WDR72: variants seen among roughly 807,000 people sequenced by gnomAD.
WDR72 encodes WD repeat domain 72.
A neutral mutation model predicts 124.2 loss-of-function variants in WDR72; 120 were observed. That is an observed-to-expected ratio of 0.97 (90% confidence interval 0.83 to 1.12). The LOEUF is 1.12. Among genes scored for constraint, WDR72 ranks in the 50% most tolerant of loss-of-function variants. The pLI is 0.00. For synonymous variants in WDR72, 452 were observed against 441.7 expected (o/e 1.02, Z -0.29); for missense variants, 1,387 against 1,278.8 (o/e 1.08, Z -1.29).
chr15:53,625,502 T>A (rs2014169129), intron 14 of WDR72, among the ~76,000 whole-genome samples: 2 of 151,790 alleles, frequency 1.3e-5, no homozygotes, highest in South Asian at 4.2e-4. Flanking sequence ...CTTTGGAGAG[T>A]TTGGGAGTAA....
intron 18 of WDR72, among the ~76,000 whole-genome samples, chr15:53,592,073 G>A (rs1263219623): frequency 2.0e-5 from 3 of 151,874 alleles, no homozygotes; most frequent in Non-Finnish European, 4.4e-5. Flanking sequence ...ACTGTGCTTT[G>A]CCCCTAAACC....
intron 18 of WDR72, among the ~76,000 whole-genome samples, chr15:53,543,336 A>T (rs1460914343): frequency 1.3e-5 from 2 of 151,990 alleles, no homozygotes. Flanking sequence ...CAGGATTAAG[A>T]ATCTCACTCA....
chr15:53,623,281 T>A (rs2014075039), intron 14 of WDR72, among the ~76,000 whole-genome samples: 1 of 151,972 alleles, frequency 6.6e-6, no homozygotes, highest in African/African-American at 2.4e-5. Context: ...CCTTTTCCAT[T>A]TAGTAGTCCC....
Position 53,705,006 on chromosome 15 carries a change from C to T in WDR72, c.1330G>A (p.Gly444Ser), listed in dbSNP as rs988473544. The part of the protein sequence containing the change: ...LNAAKARLLE[G>S]GSLVKDSPPH... ...CAAGGACCTTTTACTAAAGAACCAC[C>T]TTCCAGAAGTCTTGCTTTGGCAGCA... The change falls in exon 11 of 20, where the codon GGT (glycine) becomes AGT (serine). Residue 444 changes from glycine to serine, a missense_variant. Physicochemically the swap from Gly to Ser is moderately conservative, Grantham distance 56. Coordinates refer to ENST00000360509, the MANE Select transcript of WDR72 (RefSeq NM_182758.4). 1 of 1,613,682 alleles carries T rather than the reference C, an allele frequency of 6.2e-7. No individual in the cohort carries two copies. The highest frequency in any genetic ancestry group is 1.3e-5 in the African/African-American group (1 of 74,860).
chr15:53,685,472 T>C, intron 13 of WDR72, among the ~76,000 whole-genome samples: 1 of 136,792 alleles, frequency 7.3e-6, no homozygotes, highest in East Asian at 2.5e-4. Flanking sequence ...TGATGGAAGA[T>C]GAAATGAATG....
chr15:53,604,247 A>G (rs2013174557), intron 17 of WDR72, among the ~76,000 whole-genome samples: 1 of 152,204 alleles, frequency 6.6e-6, no homozygotes, highest in Non-Finnish European at 1.5e-5. Flanking sequence ...TCCTTACTTA[A>G]TAAATGTTGC....
chr15:53,715,486 G>T, intron 4 of WDR72, 119 bp from the exon 5 acceptor site: 1 of 1,180,258 alleles, frequency 8.5e-7, no homozygotes, highest in South Asian at 1.4e-5. Context: ...GTATTGAACT[G>T]AATAGCAACT....
At chr15:53,706,346 GTGTGTATATATATA>G (rs1406170648) in intron 9 of WDR72, among the ~76,000 whole-genome samples, 125 of 98,048 alleles carry the variant, frequency 1.3e-3, no homozygotes, top group South Asian at 3.0e-3. Flanking sequence ...GTGTGTGTGT[GTGTGTATATATATA>G]TATATATATA....
At chr15:53,559,261 C>A (rs752325372) in intron 18 of WDR72, among the ~76,000 whole-genome samples, 1 of 151,824 alleles carries the variant, frequency 6.6e-6, no homozygotes, top group Non-Finnish European at 1.5e-5. Flanking sequence ...AAAGAGTCCT[C>A]ATTCGCAATT....
intron 18 of WDR72, among the ~76,000 whole-genome samples, chr15:53,536,428 T>C (rs1461604072): frequency 6.6e-6 from 1 of 152,170 alleles, no homozygotes; most frequent in East Asian, 1.9e-4. Context: ...TTATTTTTTT[T>C]ACTTTCAACA....
chr15:53,761,422 A>C (rs1567069684), upstream of WDR72, among the ~76,000 whole-genome samples: 1 of 152,204 alleles, frequency 6.6e-6, no homozygotes, highest in Non-Finnish European at 1.5e-5. Context: ...TTCCTCAAAA[A>C]AATAAAAATA....
chr15:53,539,761 G>C (rs537043598), intron 18 of WDR72, among the ~76,000 whole-genome samples: 2 of 151,916 alleles, frequency 1.3e-5, no homozygotes, highest in Admixed American at 6.6e-5. Flanking sequence ...AACATATATA[G>C]TTTCATATAT....
chr15:53,669,142 C>T (rs1464947330), intron 13 of WDR72, among the ~76,000 whole-genome samples: 1 of 152,098 alleles, frequency 6.6e-6, no homozygotes, highest in Non-Finnish European at 1.5e-5. Context: ...GTACAGCTGT[C>T]TGTAGTACAT....
At chr15:53,525,714 A>G (rs1892076672) in intron 18 of WDR72, among the ~76,000 whole-genome samples, 1 of 152,066 alleles carries the variant, frequency 6.6e-6, no homozygotes, top group South Asian at 2.1e-4. Context: ...CCATGCTACA[A>G]CTTTGCTTCC....
intron 1 of WDR72, among the ~76,000 whole-genome samples, chr15:53,733,791 T>A (rs980361171): frequency 1.3e-5 from 2 of 152,146 alleles, no homozygotes; most frequent in Admixed American, 6.6e-5. Context: ...TTACAAGGGT[T>A]AAAATGAATA....
rs77440846 is a variant in WDR72 at position 53,539,111 on chromosome 15, A to C, written c.3149-15789T>G. On this transcript the variant is annotated intron_variant, in intron 18 of 19. Transcript: ENST00000360509. ...GTAACATACTTAAAAATTTAAGAGA[A>C]AGAAAAAATTGAACTAAGATTTTCT... is the stretch of plus-strand genomic sequence containing the variant. Among the ~76,000 whole-genome samples, 5 of 152,302 alleles carry C rather than the reference A, an allele frequency of 3.3e-5. No individual in the cohort carries two copies. In the East Asian group the frequency reaches 9.6e-4, roughly 29 times the overall value.
chr15:53,646,726 T>C (rs2015055097), intron 14 of WDR72, among the ~76,000 whole-genome samples: 1 of 151,890 alleles, frequency 6.6e-6, no homozygotes, highest in South Asian at 2.1e-4. Flanking sequence ...TTCTGAGAAA[T>C]AAATGTACAA....
intron 14 of WDR72, among the ~76,000 whole-genome samples, chr15:53,654,361 T>C (rs1403428657): frequency 6.6e-6 from 1 of 152,178 alleles, no homozygotes; most frequent in African/African-American, 2.4e-5. Flanking sequence ...TTTATACAGA[T>C]AGAGAAGTAA....
At chr15:53,536,966 A>G (rs375766641) in intron 18 of WDR72, among the ~76,000 whole-genome samples, 3 of 152,148 alleles carry the variant, frequency 2.0e-5, no homozygotes, top group East Asian at 3.9e-4. Context: ...GCAGTCCCCA[A>G]TCCAATTAAA....
Sources: gnomAD v4.1 joint callset for allele counts (sites outside exome capture counted in the v4.1 genomes callset) on GRCh38, gnomAD v4.1.1 for gene constraint, MANE v1.5 for transcripts, NCBI Gene and HGNC (gene_info 2026-07-23, HGNC 2026-07-21) for gene names.